Variants in PPA2 observed in about 807,000 individuals in gnomAD.
PPA2 encodes inorganic pyrophosphatase 2.
A neutral mutation model predicts 49.5 loss-of-function variants in PPA2; 48 were observed. That is an observed-to-expected ratio of 0.97 (90% confidence interval 0.77 to 1.23). The LOEUF (loss-of-function observed/expected upper bound fraction) is 1.23, where lower values mean the gene tolerates loss of function less well. Ranked by LOEUF, PPA2 falls within the 50% of genes most tolerant of loss-of-function variation. PPA2 has a pLI of 0.00. For synonymous variants in PPA2, 131 were observed against 139.9 expected (o/e 0.94, Z 0.45); for missense variants, 429 against 410.1 (o/e 1.05, Z -0.40).
Position 105,473,987 on chromosome 4 carries a change from T to C in PPA2, c.64A>G (p.Thr22Ala), listed in dbSNP as rs35571699. 38,396 of 1,608,490 alleles carry C rather than the reference T, an allele frequency of 0.024. 590 individuals are homozygous for C. The highest frequency in any genetic ancestry group is 0.047 in the Middle Eastern group (282 of 6,048). ...CGGCGCGACCCGGTCCCTGCACTGG[T>C]CCCCAACCGCAGGCACGCAGCGGCT... is the stretch of plus-strand genomic sequence containing the variant. The part of the protein sequence containing the change: ...APAAACLRLG[T>A]SAGTGSRRAM... Residue 22 changes from threonine (T) to alanine (A), a missense_variant, in exon 1 of 12, where the codon ACC becomes GCC. Transcript: ENST00000341695.
chr4:105,434,706 T>C (rs942156704), intron 6 of PPA2, among the ~76,000 whole-genome samples: 1 of 152,160 alleles, frequency 6.6e-6, no homozygotes, highest in African/African-American at 2.4e-5. Context: ...TCAAACAACA[T>C]AAGAACAGAT....
intron 7 of PPA2, among the ~76,000 whole-genome samples, chr4:105,413,111 G>GA (rs1429641985): frequency 6.6e-6 from 1 of 152,176 alleles, no homozygotes; most frequent in African/African-American, 2.4e-5. Context: ...ACTGGATTAA[G>GA]AAAATGTGGC....
chr4:105,371,017 G>T, intron 10 of PPA2, 144 bp from the exon 11 acceptor site: 1 of 696,410 alleles, frequency 1.4e-6, no homozygotes, highest in Non-Finnish European at 2.0e-6. Context: ...ATTCCCCTTT[G>T]CTTTTCATTA....
chr4:105,400,776 G>A (rs80181238), intron 7 of PPA2, among the ~76,000 whole-genome samples: 2,671 of 152,132 alleles, frequency 0.018, 35 homozygotes, highest in Middle Eastern at 0.054. Flanking sequence ...AGGAGAAAGA[G>A]AAAGCTAATT....
At chr4:105,410,480 A>G (rs1722700898) in intron 7 of PPA2, among the ~76,000 whole-genome samples, 1 of 152,244 alleles carries the variant, frequency 6.6e-6, no homozygotes, top group South Asian at 2.1e-4. Context: ...ACCAAATTAG[A>G]AAACACTGTA....
At chr4:105,418,820 A>T (rs1723123641) in intron 7 of PPA2, among the ~76,000 whole-genome samples, 1 of 152,208 alleles carries the variant, frequency 6.6e-6, no homozygotes, top group South Asian at 2.1e-4. Flanking sequence ...CTCCTGACAT[A>T]AGGTCCTTAG....
intron 5 of PPA2, among the ~76,000 whole-genome samples, chr4:105,442,069 A>AC (rs1307064424): frequency 3.3e-5 from 5 of 150,778 alleles, no homozygotes; most frequent in Non-Finnish European, 7.4e-5. Context: ...CAGTGGTGTG[A>AC]CCATAGCTCA....
At chr4:105,403,967 T>C (rs894552182) in intron 7 of PPA2, among the ~76,000 whole-genome samples, 1 of 151,660 alleles carries the variant, frequency 6.6e-6, no homozygotes, top group African/African-American at 2.4e-5. Flanking sequence ...ATCACATGAG[T>C]TTGCCAAGAC....
intron 7 of PPA2, among the ~76,000 whole-genome samples, chr4:105,413,408 T>C (rs1346576573): frequency 1.3e-5 from 2 of 152,100 alleles, no homozygotes; most frequent in African/African-American, 4.8e-5. Context: ...GCATGGCACA[T>C]GTATACCTAT....
At chr4:105,440,610 G>C (rs971248666) in intron 5 of PPA2, among the ~76,000 whole-genome samples, 7 of 152,160 alleles carry the variant, frequency 4.6e-5, no homozygotes, top group African/African-American at 1.7e-4. Context: ...GAGATTGTTA[G>C]TGCTCATTTA....
rs568194269 is a variant in PPA2, at chr4:105,394,465, A to C, written c.869+1784T>G. On this transcript the variant is annotated intron_variant, in intron 9 of 11. Transcript: ENST00000341695. ...TGTGTGACCTTAGGTAAGTTACCTA[A>C]ATCTTTATGTGGACTCAATTTCTTC... Among the ~76,000 whole-genome samples the C allele has an allele frequency of 2.6e-5, 4 of 152,222 alleles. No individual in the cohort carries two copies. In the South Asian group the frequency reaches 8.3e-4, roughly 32 times the overall value.
chr4:105,375,572 C>T (rs28706424), intron 10 of PPA2, among the ~76,000 whole-genome samples: 39,856 of 151,812 alleles, frequency 0.26, 6,126 homozygotes, highest in Non-Finnish European at 0.34. Context: ...GATTAAAGTG[C>T]GTGCCCATAG....
At chr4:105,463,957 GGTCGGGGCC>G (rs202144417) in intron 1 of PPA2, among the ~76,000 whole-genome samples, 1,675 of 152,312 alleles carry the variant, frequency 0.011, 42 homozygotes, top group African/African-American at 0.037. Context: ...GGAAATATGA[GGTCGGGGCC>G]CCCATACAGA....
At chr4:105,464,408 G>A (rs927531394) in intron 1 of PPA2, among the ~76,000 whole-genome samples, 1 of 152,180 alleles carries the variant, frequency 6.6e-6, no homozygotes, top group South Asian at 2.1e-4. Context: ...ATAGGTAGAA[G>A]GGACTTGCCT....
chr4:105,417,276 A>G (rs79322900), intron 7 of PPA2, among the ~76,000 whole-genome samples: 5,014 of 152,268 alleles, frequency 0.033, 276 homozygotes, highest in African/African-American at 0.11. Flanking sequence ...TGGGTTTCCC[A>G]CAGCACTAAC....
At chr4:105,370,487 T>C (rs1203241860) in intron 11 of PPA2, 1 of 497,174 alleles carries the variant, frequency 2.0e-6, no homozygotes, top group Non-Finnish European at 2.6e-6. Context: ...AAATAAGTGA[T>C]TCATTAAAAA....
rs1011677484 is a variant in PPA2, at chr4:105,474,052, G to C, written c.-2C>G. 38 of 1,579,090 alleles carry C rather than the reference G, an allele frequency of 2.4e-5. No individual in the cohort carries two copies. The highest frequency in any genetic ancestry group is 3.3e-5 in the Non-Finnish European group (38 of 1,161,786). On this transcript the variant is annotated 5_prime_UTR_variant, in exon 1 of 12. Coordinates refer to ENST00000341695, the MANE Select transcript of PPA2 (RefSeq NM_176869.3). The stretch of plus-strand genomic sequence containing the variant: ...CAGCAGCCGCAGCAGCGCGCTCATG[G>C]CGTCAATGACGGTCCTGCTGTGCGC...
intron 10 of PPA2, among the ~76,000 whole-genome samples, chr4:105,373,081 C>T (rs1487380526): frequency 1.3e-5 from 2 of 152,088 alleles, no homozygotes; most frequent in African/African-American, 2.4e-5. Flanking sequence ...TCAAACTTTC[C>T]TCCCACCTTG....
At position 105,473,876 on chromosome 4, in the gene PPA2, C is replaced by A. The variant is rs748733562; in HGVS notation, c.157+18G>T. On this transcript the variant is annotated intron_variant, in intron 1 of 11. Transcript: ENST00000341695. The stretch of plus-strand genomic sequence containing the variant: ...TTTCTCCGGTGCGCCGCTCGGCGAA[C>A]CTCCGGGAGCTACTTACTAAAGAAG... The A allele has an allele frequency of 1.8e-5, 28 of 1,581,792 alleles. No homozygotes were observed. In the Admixed American group the frequency reaches 4.0e-4, roughly 23 times the overall value.
Sources: gnomAD v4.1 joint callset for allele counts (sites outside exome capture counted in the v4.1 genomes callset) on GRCh38, gnomAD v4.1.1 for gene constraint, MANE v1.5 for transcripts, NCBI Gene and HGNC (gene_info 2026-07-23, HGNC 2026-07-21) for gene names.